Variants in LMO7 observed in about 807,000 individuals in gnomAD.
LMO7 encodes the protein LIM domain 7.
LMO7 carries 120 observed loss-of-function variants against 206.5 expected under a neutral mutation model. The ratio of observed to expected loss-of-function variants is 0.58; its 90% confidence interval spans 0.50 to 0.68. The LOEUF (loss-of-function observed/expected upper bound fraction) is 0.68, where lower values mean the gene tolerates loss of function less well. LMO7 is among the 30% of genes least tolerant of loss of function. The pLI, the probability that LMO7 is intolerant of heterozygous loss-of-function variation, is 0.00. For synonymous variants in LMO7, 706 were observed against 681.5 expected, an observed-to-expected ratio of 1.04 and a Z score of -0.56; for missense variants, 1,959 against 1,957.9, an observed-to-expected ratio of 1.00 and a Z score of -0.01.
intron 15 of LMO7, among the ~76,000 whole-genome samples, chr13:75,830,241 C>A (rs2058531792): frequency 1.3e-5 from 2 of 152,146 alleles, no homozygotes; most frequent in Non-Finnish European, 1.5e-5. Flanking sequence ...GAATAATTTA[C>A]TGTAAGAACC....
intron 3 of LMO7, among the ~76,000 whole-genome samples, chr13:75,730,220 T>C (rs573518033): frequency 6.6e-6 from 1 of 152,330 alleles, no homozygotes; most frequent in South Asian, 2.1e-4. Context: ...TTCCTCCTTG[T>C]ACCTCTGGTA....
At chr13:75,795,683 A>G (rs1009627743) in intron 5 of LMO7, among the ~76,000 whole-genome samples, 9 of 152,228 alleles carry the variant, frequency 5.9e-5, no homozygotes, top group Non-Finnish European at 1.3e-4. Context: ...TGCTGAGGAT[A>G]ATGGCTTCCA....
chr13:75,818,165 C>T (rs2057236130), intron 12 of LMO7, among the ~76,000 whole-genome samples: 1 of 152,118 alleles, frequency 6.6e-6, no homozygotes, highest in East Asian at 1.9e-4. Flanking sequence ...TATCACTTTG[C>T]CAAAATACAT....
chr13:75,807,524 T>C lies in LMO7; in HGVS notation c.1241T>C (p.Ile414Thr), dbSNP rs979420441. ...GCCCTCCAAACATACTCTGATGACA[T>C]CTTGTCTTCTGAAACACATACCAAA... ...LQALQTYSDD[I>T]LSSETHTKID... Residue 414 changes from isoleucine to threonine, a missense_variant, in exon 10 of 31, where the codon ATC becomes ACC. Ile to Thr is a moderately conservative substitution (Grantham distance 89, BLOSUM62 -1). Transcript: ENST00000377534. The C allele has an allele frequency of 1.9e-6, 3 of 1,613,668 alleles. No individual in the cohort carries two copies. Among genetic ancestry groups the C allele is most frequent in the Non-Finnish European group, 2.5e-6 (3 of 1,179,816 alleles).
At chr13:75,781,577 G>A (rs528223786) in intron 4 of LMO7, among the ~76,000 whole-genome samples, 145 of 151,860 alleles carry the variant, frequency 9.5e-4, no homozygotes, top group Non-Finnish European at 1.1e-3. Context: ...GAATAGTGCC[G>A]CAATAAACAT....
At chr13:75,681,706 G>GTGTATATA (rs1259746833) in intron 1 of LMO7, among the ~76,000 whole-genome samples, 1,209 of 92,938 alleles carry the variant, frequency 0.013, 87 homozygotes, top group Non-Finnish European at 0.02. Context: ...GTATGTATGT[G>GTGTATATA]TATATATATA....
intron 3 of LMO7, among the ~76,000 whole-genome samples, chr13:75,758,571 G>A (rs2047880035): frequency 6.6e-6 from 1 of 152,142 alleles, no homozygotes; most frequent in African/African-American, 2.4e-5. Flanking sequence ...CTAGAATTTA[G>A]CCATATTAAT....
chr13:75,851,083 G>A (rs1030463654), intron 27 of LMO7, among the ~76,000 whole-genome samples: 2 of 152,194 alleles, frequency 1.3e-5, no homozygotes, highest in Admixed American at 6.5e-5. Context: ...GCTGCCATGT[G>A]CATCATGTTT....
intron 2 of LMO7, chr13:75,627,349 G>A (rs747500108): frequency 3.9e-5 from 6 of 152,150 alleles, no homozygotes; most frequent in Non-Finnish European, 8.8e-5. Flanking sequence ...GATGTTTAAG[G>A]AGGCTAGACT....
At chr13:75,846,287 A>G (rs1198006056) in intron 26 of LMO7, among the ~76,000 whole-genome samples, 3 of 152,150 alleles carry the variant, frequency 2.0e-5, no homozygotes, top group Non-Finnish European at 4.4e-5. Flanking sequence ...TCACAGTTCT[A>G]TGATTATCCC....
exon 1 of LMO7, chr13:75,621,853 G>A: frequency 6.3e-7 from 1 of 1,594,084 alleles, no homozygotes; most frequent in South Asian, 1.2e-5. Context: ...CAGGGACAGA[G>A]TCTGCAGCAA....
intron 2 of LMO7, among the ~76,000 whole-genome samples, chr13:75,719,299 C>A (rs1370187048): frequency 6.6e-6 from 1 of 152,060 alleles, no homozygotes; most frequent in East Asian, 1.9e-4. Context: ...CTCTTTAGTG[C>A]TGAATAACGT....
At chr13:75,776,245 A>G (rs1308775681) in intron 4 of LMO7, among the ~76,000 whole-genome samples, 2 of 129,756 alleles carry the variant, frequency 1.5e-5, no homozygotes, top group Non-Finnish European at 3.3e-5. Flanking sequence ...AAGGGCCACA[A>G]GTCTTTTTGA....
At chr13:75,688,361 GA>G (rs1449009012) in intron 1 of LMO7, among the ~76,000 whole-genome samples, 1 of 152,180 alleles carries the variant, frequency 6.6e-6, no homozygotes, top group East Asian at 1.9e-4. Context: ...GCGAATAACA[GA>G]AAGCTCCATT....
chr13:75,630,448 G>A (rs1408206646), intron 2 of LMO7, among the ~76,000 whole-genome samples: 2 of 152,206 alleles, frequency 1.3e-5, no homozygotes, highest in African/African-American at 4.8e-5. Context: ...TGAGGCGGGT[G>A]GATTGCTTGA....
In LMO7 at chr13:75,807,718, C is replaced by A; in HGVS notation, c.1435C>A (p.Arg479=). ...TTTCCATGCAAATCCATATGTTCTCCGAGCTTTTGAAGACTTTAGAAAGTT... is the reference window on the plus strand; with the variant it reads ...TTTCCATGCAAATCCATATGTTCTCAGAGCTTTTGAAGACTTTAGAAAGTT... ...GAFHANPYVL[R]AFEDFRKFSE... is the part of the protein sequence containing the mutation. Residue 479 remains arginine, a synonymous_variant, in exon 10 of 31, where the codon CGA becomes AGA. Coordinates refer to ENST00000377534, the MANE Select transcript of LMO7 (RefSeq NM_001306080.2). 1 of 1,613,930 alleles carries A rather than the reference C, an allele frequency of 6.2e-7. No individual in the cohort carries two copies.
rs752834433 is a variant in LMO7 at position 75,821,200 on chromosome 13, C to T, written c.2231C>T (p.Thr744Ile). Residue 744 changes from threonine to isoleucine, a missense_variant, in exon 14 of 31, where the codon ACA (threonine) becomes ATA (isoleucine). Transcript: ENST00000377534. Reference protein sequence around the residue: ...QDRESQNQKSTVPSRRRMYSF... With the variant: ...QDRESQNQKSIVPSRRRMYSF... Reference sequence around the variant, plus strand: ...AGGGAATCCCAAAATCAAAAGTCTACAGTTCCGTCAAGAAGGAGAATGTAT... The same window carrying T: ...AGGGAATCCCAAAATCAAAAGTCTATAGTTCCGTCAAGAAGGAGAATGTAT... 5.0e-6 allele frequency: 8 copies of T among 1,607,574 alleles called. No individual in the cohort carries two copies. The highest frequency in any genetic ancestry group is 6.8e-6 in the Non-Finnish European group (8 of 1,177,878).
intron 26 of LMO7, among the ~76,000 whole-genome samples, chr13:75,848,633 A>G (rs1182656273): frequency 8.2e-6 from 1 of 121,984 alleles, no homozygotes; most frequent in East Asian, 2.3e-4. Context: ...ATATATATAT[A>G]TCATGTTCTC....
chr13:75,681,736 A>ATATATGTATATATATATATATATATG (rs1555293422), intron 1 of LMO7, among the ~76,000 whole-genome samples: 1 of 133,220 alleles, frequency 7.5e-6, no homozygotes, highest in Non-Finnish European at 1.6e-5. Context: ...ATATATATAT[A>ATATATGTATATATATATATATATATG]TATATATATA....
Sources: gnomAD v4.1 joint callset for allele counts (sites outside exome capture counted in the v4.1 genomes callset) on GRCh38, gnomAD v4.1.1 for gene constraint, MANE v1.5 for transcripts, NCBI Gene and HGNC (gene_info 2026-07-23, HGNC 2026-07-21) for gene names.